The following FHIT variants were observed in gnomAD, a reference collection of about 807,000 sequenced individuals.
FHIT encodes the protein bis(5'-adenosyl)-triphosphatase.
FHIT carries 19 observed loss-of-function variants against 17.9 expected under a neutral mutation model. That is an observed-to-expected ratio of 1.06 (90% CI 0.74 to 1.56). The LOEUF (loss-of-function observed/expected upper bound fraction) is 1.56. FHIT is among the 40% of genes most tolerant of loss of function. FHIT has a pLI of 0.00. For synonymous variants in FHIT, 81 were observed against 69.7 expected (o/e 1.16, Z -0.81); for missense variants, 248 against 189.2 (o/e 1.31, Z -1.82).
At chr3:61,219,035 C>T (rs1355917277) in intron 1 of FHIT, among the ~76,000 whole-genome samples, 1 of 152,190 alleles carries the variant, frequency 6.6e-6, no homozygotes, top group Non-Finnish European at 1.5e-5. Flanking sequence ...CCACTATACA[C>T]TTATCCTATA....
chr3:60,164,388 A>G (rs576428181), intron 5 of FHIT, among the ~76,000 whole-genome samples: 1 of 152,184 alleles, frequency 6.6e-6, no homozygotes, highest in African/African-American at 2.4e-5. Flanking sequence ...CACTGCTGGG[A>G]TGTGTCAAAT....
At chr3:61,160,693 TA>T (rs979638321) in intron 2 of FHIT, among the ~76,000 whole-genome samples, 3 of 152,216 alleles carry the variant, frequency 2.0e-5, no homozygotes, top group Admixed American at 1.3e-4. Flanking sequence ...ACTGTGGCTT[TA>T]AATTGGGTTA....
chr3:60,650,448 T>G (rs1164525655), intron 4 of FHIT, among the ~76,000 whole-genome samples: 1 of 152,204 alleles, frequency 6.6e-6, no homozygotes, highest in Non-Finnish European at 1.5e-5. Context: ...GTCAGTCCAC[T>G]GTTTATCACT....
chr3:60,211,275 C>T (rs1438718250), intron 5 of FHIT, among the ~76,000 whole-genome samples: 2 of 151,728 alleles, frequency 1.3e-5, no homozygotes, highest in African/African-American at 4.8e-5. Flanking sequence ...TGTATATCCA[C>T]ATACAAACAC....
intron 3 of FHIT, among the ~76,000 whole-genome samples, chr3:60,904,067 C>G (rs1401949834): frequency 2.6e-5 from 4 of 152,168 alleles, no homozygotes; most frequent in African/African-American, 9.7e-5. Flanking sequence ...TTCCATTTCT[C>G]ATTTTCCAGC....
At chr3:60,870,582 C>CT (rs1298329348) in intron 3 of FHIT, among the ~76,000 whole-genome samples, 2 of 152,142 alleles carry the variant, frequency 1.3e-5, no homozygotes, top group East Asian at 3.9e-4. Context: ...TATCTGTAGT[C>CT]TGACAGTCAT....
chr3:59,806,692 ATATG>A (rs201099755), intron 8 of FHIT, among the ~76,000 whole-genome samples: 12 of 8,186 alleles, frequency 1.5e-3, no homozygotes, highest in Admixed American at 7.4e-3. Flanking sequence ...ATGTATATAC[ATATG>A]TATATATGTG....
intron 4 of FHIT, among the ~76,000 whole-genome samples, chr3:60,803,824 C>T (rs1553733074): frequency 6.6e-6 from 1 of 152,032 alleles, no homozygotes; most frequent in Non-Finnish European, 1.5e-5. Flanking sequence ...CGCTGAATGC[C>T]AACTCAGCCA....
At chr3:59,891,076 A>G (rs79709739) in intron 8 of FHIT, among the ~76,000 whole-genome samples, 2 of 152,204 alleles carry the variant, frequency 1.3e-5, no homozygotes, top group Non-Finnish European at 2.9e-5. Context: ...GTACTCCTCA[A>G]GGGTAGGTTC....
chr3:60,506,066 A>C (rs182123559), intron 5 of FHIT, among the ~76,000 whole-genome samples: 197 of 152,300 alleles, frequency 1.3e-3, no homozygotes, highest in Non-Finnish European at 2.2e-3. Flanking sequence ...TTTTCTTTCA[A>C]TTAATCAACA....
intron 4 of FHIT, among the ~76,000 whole-genome samples, chr3:60,698,545 G>T (rs1553701257): frequency 6.6e-6 from 1 of 152,120 alleles, no homozygotes; most frequent in Non-Finnish European, 1.5e-5. Context: ...ACTACCTATG[G>T]CTGGGGAGCT....
chr3:61,051,209 C>A (rs914359675), intron 2 of FHIT, among the ~76,000 whole-genome samples: 1 of 152,170 alleles, frequency 6.6e-6, no homozygotes, highest in African/African-American at 2.4e-5. Context: ...TGAATACCTA[C>A]AAGGCATCTC....
chr3:60,994,242 T>G (rs1308958325), intron 3 of FHIT, among the ~76,000 whole-genome samples: 1 of 152,208 alleles, frequency 6.6e-6, no homozygotes, highest in African/African-American at 2.4e-5. Flanking sequence ...GATCTAGATA[T>G]TCTGAATTGC....
intron 2 of FHIT, among the ~76,000 whole-genome samples, chr3:61,180,467 A>G (rs2038303899): frequency 6.6e-6 from 1 of 152,250 alleles, no homozygotes; most frequent in African/African-American, 2.4e-5. Context: ...GATAAATTCA[A>G]TAATAGTTAG....
chr3:60,985,159 C>T (rs769058113), intron 3 of FHIT, among the ~76,000 whole-genome samples: 1 of 152,178 alleles, frequency 6.6e-6, no homozygotes, highest in African/African-American at 2.4e-5. Flanking sequence ...TTTCCCACTA[C>T]TCTTCACCTC....
chr3:59,904,482 T>C (rs1257296017), intron 8 of FHIT, among the ~76,000 whole-genome samples: 1 of 152,164 alleles, frequency 6.6e-6, no homozygotes, highest in Non-Finnish European at 1.5e-5. Flanking sequence ...CCCTTCAATA[T>C]TCCCCACAAT....
At chr3:61,105,051 T>C (rs1337269870) in intron 2 of FHIT, among the ~76,000 whole-genome samples, 1 of 152,174 alleles carries the variant, frequency 6.6e-6, no homozygotes, top group South Asian at 2.1e-4. Context: ...TATCCGTATT[T>C]TGAACTCTGT....
rs974510867 is a variant in FHIT, at chr3:60,336,944, G to T, written c.103+199916C>A. 1.3e-5 allele frequency among the ~76,000 whole-genome samples: 2 copies of T among 151,346 alleles called. 1 individual carries two copies. ...TCAGTTTGATGAGTGTATCTGTTAT[G>T]CTTGAAGATGTAGACAGAGAGAAAA... On this transcript the variant is annotated intron_variant, in intron 5 of 9. Transcript: ENST00000492590.
chr3:60,517,500 A>G (rs1332629729), intron 5 of FHIT, among the ~76,000 whole-genome samples: 1 of 152,126 alleles, frequency 6.6e-6, no homozygotes, highest in African/African-American at 2.4e-5. Flanking sequence ...TGACCCACTG[A>G]TATTACTATG....
Sources: gnomAD v4.1 joint callset for allele counts (sites outside exome capture counted in the v4.1 genomes callset) on GRCh38, gnomAD v4.1.1 for gene constraint, MANE v1.5 for transcripts, NCBI Gene and HGNC (gene_info 2026-07-23, HGNC 2026-07-21) for gene names.